The following ERGIC1 variants were observed in gnomAD, a reference collection of about 807,000 sequenced individuals.
ERGIC1 encodes the protein endoplasmic reticulum-golgi intermediate compartment 1.
ERGIC1 carries 19 observed loss-of-function variants against 38.3 expected under a neutral mutation model. The observed-to-expected ratio is 0.50, with a 90% CI of 0.35 to 0.73. The LOEUF is 0.73. Ranked by LOEUF, ERGIC1 falls within the 30% of genes least tolerant of loss-of-function variation. The probability of loss-of-function intolerance (pLI) is 0.01; values close to 1 mark genes in which losing one functional copy is unlikely to be tolerated. For synonymous variants in ERGIC1, 124 were observed against 157.6 expected (o/e 0.79, Z 1.60); for missense variants, 294 against 389.2 (o/e 0.76, Z 2.06).
At chr5:172,873,156 G>A (rs747805530) in intron 1 of ERGIC1, among the ~76,000 whole-genome samples, 8 of 152,198 alleles carry the variant, frequency 5.3e-5, no homozygotes, top group Non-Finnish European at 7.3e-5. Flanking sequence ...GAAAAACCCC[G>A]CTCATGCTCT....
At position 172,903,968 on chromosome 5, in the gene ERGIC1, T is replaced by TACACACACACACACACACACAC. The variant is rs70984919; in HGVS notation, c.156-5678_156-5677insCACACACACACACACACACACA. 1.7e-4 allele frequency among the ~76,000 whole-genome samples: 25 copies of TACACACACACACACACACACAC among 150,402 alleles called. No individual in the cohort carries two copies. In the East Asian group the frequency reaches 3.4e-3, roughly 20 times the overall value. On this transcript the variant is annotated intron_variant, in intron 3 of 9. Coordinates refer to ENST00000393784, the MANE Select transcript of ERGIC1 (RefSeq NM_001031711.3). ...TCAAGAGAGAGATGAGTCTCACACA[T>TACACACACACACACACACACAC]ACACACACACACACACACACATTGA...
At chr5:172,922,596 C>T (rs764660966) in intron 5 of ERGIC1, 2 of 152,524 alleles carry the variant, frequency 1.3e-5, no homozygotes, top group Admixed American at 6.5e-5. Flanking sequence ...GGTGCAGGCA[C>T]AAAGGCCTAA....
intron 3 of ERGIC1, among the ~76,000 whole-genome samples, chr5:172,901,537 C>G (rs1295509672): frequency 2.0e-5 from 3 of 152,220 alleles, no homozygotes; most frequent in Admixed American, 1.3e-4. Flanking sequence ...ACCTTCCATA[C>G]TATAACTCAT....
At chr5:172,919,864 A>C (rs567641718) in intron 5 of ERGIC1, among the ~76,000 whole-genome samples, 3 of 152,266 alleles carry the variant, frequency 2.0e-5, no homozygotes, top group African/African-American at 7.2e-5. Context: ...GGAGTCTTTG[A>C]AAGGCTCACA....
At chr5:172,879,032 C>T (rs1169473281) in intron 1 of ERGIC1, among the ~76,000 whole-genome samples, 1 of 152,148 alleles carries the variant, frequency 6.6e-6, no homozygotes, top group Admixed American at 6.5e-5. Context: ...TGACTTGCTC[C>T]GAAATGGCAT....
intron 3 of ERGIC1, among the ~76,000 whole-genome samples, chr5:172,909,230 C>T (rs965495441): frequency 3.9e-5 from 5 of 128,970 alleles, no homozygotes; most frequent in Non-Finnish European, 7.8e-5. Context: ...AGTGCAGTGG[C>T]GCAATCTCGG....
Position 172,950,695 on chromosome 5 carries a change from C to G in ERGIC1, c.766-14C>G, listed in dbSNP as rs779230785. On this transcript the variant is annotated splice_polypyrimidine_tract_variant and intron_variant, in intron 9 of 9. Coordinates refer to ENST00000393784, the MANE Select transcript of ERGIC1 (RefSeq NM_001031711.3). ...GACTTCTGACACTCCCACCCCACCC[C>G]TGCCCTCTTGCAGATCTGTGCCATC... 9.3e-6 allele frequency: 15 copies of G among 1,608,318 alleles called. No individual in the cohort carries two copies. In the East Asian group the frequency reaches 3.1e-4, roughly 34 times the overall value.
intron 4 of ERGIC1, among the ~76,000 whole-genome samples, chr5:172,914,250 A>T (rs200959011): frequency 3.0e-5 from 3 of 100,598 alleles, no homozygotes; most frequent in African/African-American, 1.6e-4. Context: ...AAAAAAAAAA[A>T]AAAAAAATAC....
chr5:172,902,993 G>T (rs774777891), intron 3 of ERGIC1, among the ~76,000 whole-genome samples: 43 of 151,532 alleles, frequency 2.8e-4, no homozygotes, highest in Non-Finnish European at 3.4e-4. Flanking sequence ...ACCTCCCCAG[G>T]CCCTTGCGTA....
At chr5:172,855,114 G>T (rs1233285316) in intron 1 of ERGIC1, among the ~76,000 whole-genome samples, 1 of 152,192 alleles carries the variant, frequency 6.6e-6, no homozygotes, top group Non-Finnish European at 1.5e-5. Context: ...GACAGTGGTG[G>T]ATGTGGGTTG....
At chr5:172,896,429 G>T (rs560469428) in intron 2 of ERGIC1, among the ~76,000 whole-genome samples, 18 of 152,172 alleles carry the variant, frequency 1.2e-4, no homozygotes, top group Non-Finnish European at 2.5e-4. Context: ...CCCTTCTAAG[G>T]ACAGGGGCAC....
intron 1 of ERGIC1, among the ~76,000 whole-genome samples, chr5:172,863,380 G>A (rs1173369383): frequency 6.6e-6 from 1 of 152,174 alleles, no homozygotes; most frequent in East Asian, 1.9e-4. Context: ...TCTTCTGTGG[G>A]TGATTTGTGT....
Position 172,846,358 on chromosome 5 carries a change from CT to C in ERGIC1, c.20+11927del, listed in dbSNP as rs1761282161. ...GCCCAGCACTGGGCACTTTGAGTCA[CT>C]TCTGAGCCCAGCAGCGTAAGATGGG... is the stretch of plus-strand genomic sequence containing the variant. On this transcript the variant is annotated intron_variant, in intron 1 of 9. Transcript: ENST00000393784. This position sits in a 1 kb window ranked among gnomAD's most constrained non-coding sequence, Gnocchi z 4.0. Among the ~76,000 whole-genome samples the C allele has an allele frequency of 6.6e-6, 1 of 152,232 alleles. No homozygotes were observed. Among genetic ancestry groups the C allele is most frequent in the African/African-American group, 2.4e-5 (1 of 41,450 alleles).
At chr5:172,868,536 C>T (rs1761926688) in intron 1 of ERGIC1, among the ~76,000 whole-genome samples, 1 of 152,112 alleles carries the variant, frequency 6.6e-6, no homozygotes, top group Non-Finnish European at 1.5e-5. Context: ...TCAGCGGTTG[C>T]CAGGGGTTGC....
intron 9 of ERGIC1, among the ~76,000 whole-genome samples, chr5:172,940,346 T>A (rs1419465771): frequency 6.6e-6 from 1 of 152,114 alleles, no homozygotes; most frequent in Non-Finnish European, 1.5e-5. Context: ...TGTGCTATAT[T>A]AGAACATTCC....
intron 5 of ERGIC1, chr5:172,918,247 A>G (rs1763421004): frequency 6.6e-6 from 1 of 152,256 alleles, no homozygotes; most frequent in Non-Finnish European, 1.5e-5. Flanking sequence ...TCAAATGTGG[A>G]TTTTTAAATA....
chr5:172,944,181 G>A (rs1446260261), intron 9 of ERGIC1, among the ~76,000 whole-genome samples: 1 of 152,184 alleles, frequency 6.6e-6, no homozygotes, highest in Non-Finnish European at 1.5e-5. Flanking sequence ...TGCACTGGCC[G>A]AGGTGGCCCT....
At chr5:172,893,903 A>G (rs377490159) in intron 2 of ERGIC1, among the ~76,000 whole-genome samples, 1,882 of 12,582 alleles carry the variant, frequency 0.15, 98 homozygotes, top group South Asian at 0.34. Flanking sequence ...ATATATATAT[A>G]TATGTGTGTG....
At chr5:172,932,680 T>C (rs1167209677) in intron 8 of ERGIC1, 144 bp downstream of exon 8, 2 of 749,174 alleles carry the variant, frequency 2.7e-6, no homozygotes, top group African/African-American at 1.8e-5. Context: ...GGCCAGGCGC[T>C]GTCCCTGGGT....
Sources: allele counts gnomAD v4.1 joint callset (sites outside exome capture counted in the v4.1 genomes callset), GRCh38; gene constraint gnomAD v4.1.1; non-coding constraint Gnocchi (gnomAD v3.1); transcripts MANE v1.5; gene names NCBI Gene and HGNC (gene_info 2026-07-23, HGNC 2026-07-21).